Variants in CHCHD3 observed in about 807,000 individuals in gnomAD.
CHCHD3 encodes the protein MICOS complex subunit MIC19.
In CHCHD3, 20 loss-of-function variants were observed where a neutral mutation model predicts 38.2. The ratio of observed to expected loss-of-function variants is 0.52; its 90% CI spans 0.37 to 0.76. The LOEUF is 0.76. CHCHD3 is among the 30% of genes least tolerant of loss of function. CHCHD3 has a pLI of 0.00. For missense variants in CHCHD3, 245 were observed against 279.2 expected, an observed-to-expected ratio of 0.88 and a Z score of 0.87; for synonymous variants, 82 against 100.0, an observed-to-expected ratio of 0.82 and a Z score of 1.07.
chr7:133,030,705 C>T (rs956435029), intron 2 of CHCHD3, among the ~76,000 whole-genome samples: 2 of 152,138 alleles, frequency 1.3e-5, no homozygotes, highest in Non-Finnish European at 2.9e-5. Flanking sequence ...ATAGTCTGTA[C>T]TTTTTAAAAT....
At chr7:132,978,529 GTGAA>G (rs953613524) in intron 3 of CHCHD3, among the ~76,000 whole-genome samples, 11 of 151,908 alleles carry the variant, frequency 7.2e-5, no homozygotes, top group African/African-American at 2.4e-4. Flanking sequence ...GTATGCATGT[GTGAA>G]TGAATGAATG....
chr7:132,830,247 G>A (rs1424395544), intron 6 of CHCHD3, among the ~76,000 whole-genome samples: 2 of 152,202 alleles, frequency 1.3e-5, no homozygotes, highest in Non-Finnish European at 2.9e-5. Context: ...TCCAAAGCCA[G>A]TCTCACTTTC....
chr7:132,832,823 G>A (rs1424090052), intron 6 of CHCHD3, among the ~76,000 whole-genome samples: 1 of 152,160 alleles, frequency 6.6e-6, no homozygotes, highest in Non-Finnish European at 1.5e-5. Context: ...ACAGGAGGCC[G>A]GCAGCACTCC....
intron 5 of CHCHD3, among the ~76,000 whole-genome samples, chr7:132,862,063 CTGATGGAT>C (rs1292280212): frequency 2.5e-5 from 3 of 119,332 alleles, no homozygotes; most frequent in Non-Finnish European, 5.3e-5. Context: ...TTAATGTTTG[CTGATGGAT>C]GGATGGATGG....
intron 3 of CHCHD3, among the ~76,000 whole-genome samples, chr7:133,011,900 T>G (rs1004112649): frequency 4.6e-5 from 7 of 152,246 alleles, no homozygotes; most frequent in Non-Finnish European, 1.0e-4. Flanking sequence ...TACTTATTTA[T>G]TTATTTATGC....
At chr7:133,047,917 C>T (rs1477389228) in intron 2 of CHCHD3, among the ~76,000 whole-genome samples, 1 of 152,008 alleles carries the variant, frequency 6.6e-6, no homozygotes, top group Non-Finnish European at 1.5e-5. Context: ...GAGAAACTTC[C>T]GTCTCTACTA....
chr7:133,038,732 G>A (rs1052409658), intron 2 of CHCHD3, among the ~76,000 whole-genome samples: 2 of 152,078 alleles, frequency 1.3e-5, no homozygotes, highest in Non-Finnish European at 1.5e-5. Flanking sequence ...CAAATACCCC[G>A]CAACATTAAT....
intron 3 of CHCHD3, among the ~76,000 whole-genome samples, chr7:132,979,867 C>T (rs1811872879): frequency 6.6e-6 from 1 of 152,184 alleles, no homozygotes; most frequent in Admixed American, 6.5e-5. Context: ...CCCCAACCCT[C>T]CCCTCCAAAA....
chr7:132,903,608 A>G (rs1325619362), intron 4 of CHCHD3, among the ~76,000 whole-genome samples: 2 of 152,196 alleles, frequency 1.3e-5, no homozygotes, highest in Non-Finnish European at 2.9e-5. Flanking sequence ...AACAACAAAA[A>G]CAACCTCATA....
Position 133,071,171 on chromosome 7 carries a change from C to T in CHCHD3, c.82-942G>A, listed in dbSNP as rs538053661. On this transcript the variant is annotated intron_variant, in intron 1 of 7. Coordinates refer to ENST00000262570, the MANE Select transcript of CHCHD3 (RefSeq NM_017812.4). ...TTTTTATTTTCTTTACAGCACTTAA[C>T]CACTACCTGAGACTTGCTTGTTTAC... Among the ~76,000 whole-genome samples the T allele has an allele frequency of 1.7e-4, 26 of 152,262 alleles. 1 individual carries two copies. The highest frequency in any genetic ancestry group is 6.8e-3 in the Middle Eastern group (2 of 294).
At position 132,788,064 on chromosome 7, in the gene CHCHD3, C is replaced by T. The variant is rs568986284; in HGVS notation, c.661-2404G>A. Among the ~76,000 whole-genome samples the T allele has an allele frequency of 2.4e-4, 36 of 152,142 alleles. No homozygotes were observed. Among genetic ancestry groups the T allele is most frequent in the Non-Finnish European group, 4.3e-4 (29 of 68,020 alleles). The stretch of plus-strand genomic sequence containing the variant: ...GAGACACCACCTGGCAGTGTCACAG[C>T]GTCACAGCATCTCAGCTATGCTCAC... On this transcript the variant is annotated intron_variant, in intron 7 of 7. Transcript: ENST00000262570. This position sits in a 1 kb window ranked among gnomAD's most constrained non-coding sequence, Gnocchi z 4.0.
intron 6 of CHCHD3, among the ~76,000 whole-genome samples, chr7:132,830,046 A>G (rs1222785079): frequency 1.3e-5 from 2 of 152,156 alleles, no homozygotes; most frequent in African/African-American, 4.8e-5. Context: ...ATCTTAGAAA[A>G]TAGTATTTAG....
intron 6 of CHCHD3, among the ~76,000 whole-genome samples, chr7:132,800,832 G>A (rs572370363): frequency 6.6e-6 from 1 of 152,152 alleles, no homozygotes; most frequent in East Asian, 1.9e-4. Flanking sequence ...AAATGAAGAT[G>A]AGAATGGCTG....
rs953209943 is a variant in CHCHD3 at position 132,985,943 on chromosome 7, C to A, written c.252-10657G>T. ...TGAGAACGGGCCATGATGACCATGG[C>A]GGTTTTGTGGAATAGAAAGGGGGAG... On this transcript the variant is annotated intron_variant, in intron 3 of 7. Transcript: ENST00000262570. Among the ~76,000 whole-genome samples, 4 of 151,608 alleles carry A rather than the reference C, an allele frequency of 2.6e-5. No individual in the cohort carries two copies. The South Asian group carries it at 8.3e-4, about 32-fold the overall frequency.
intron 5 of CHCHD3, among the ~76,000 whole-genome samples, chr7:132,884,595 G>GT (rs1350680585): frequency 3.9e-5 from 6 of 152,154 alleles, no homozygotes; most frequent in African/African-American, 1.4e-4. Flanking sequence ...GGTTAATAGT[G>GT]TATTTCTTAT....
intron 4 of CHCHD3, among the ~76,000 whole-genome samples, chr7:132,963,625 T>C (rs376832920): frequency 7.7e-6 from 1 of 129,786 alleles, no homozygotes; most frequent in African/African-American, 3.1e-5. Flanking sequence ...TGAGACTCCA[T>C]CTCAAAAAAA....
chr7:132,923,978 C>T (rs1810317413), intron 4 of CHCHD3, among the ~76,000 whole-genome samples: 1 of 152,072 alleles, frequency 6.6e-6, no homozygotes, highest in Admixed American at 6.5e-5. Context: ...TATTACATTC[C>T]TTTGTAGACA....
At chr7:133,053,731 A>G (rs7811289) in intron 2 of CHCHD3, among the ~76,000 whole-genome samples, 2,397 of 152,290 alleles carry the variant, frequency 0.016, 66 homozygotes, top group African/African-American at 0.055. Flanking sequence ...CTAAAGAATG[A>G]CTCTGGTGAT....
At chr7:132,970,960 T>G (rs1811598450) in intron 4 of CHCHD3, among the ~76,000 whole-genome samples, 1 of 152,038 alleles carries the variant, frequency 6.6e-6, no homozygotes, top group South Asian at 2.1e-4. Context: ...ATAATTAAAA[T>G]TTAAAAAATC....
Sources: gnomAD v4.1 joint callset for allele counts (sites outside exome capture counted in the v4.1 genomes callset) on GRCh38, gnomAD v4.1.1 for gene constraint, Gnocchi (gnomAD v3.1) non-coding constraint, MANE v1.5 for transcripts, NCBI Gene and HGNC (gene_info 2026-07-23, HGNC 2026-07-21) for gene names.